The following BRINP1 variants were observed in gnomAD, a reference collection of about 807,000 sequenced individuals.
BRINP1 encodes the protein BMP/retinoic acid inducible neural specific 1.
Under a neutral mutation model 72.9 loss-of-function variants are expected in BRINP1, and 17 were observed. The ratio of observed to expected loss-of-function variants is 0.23; its 90% CI spans 0.16 to 0.35. The LOEUF (loss-of-function observed/expected upper bound fraction) is 0.35, where lower values mean the gene tolerates loss of function less well. Among genes scored for constraint, BRINP1 ranks in the 10% least tolerant of loss-of-function variants. The pLI, the probability that BRINP1 is intolerant of heterozygous loss-of-function variation, is 1.00. For synonymous variants in BRINP1, 418 were observed against 378.5 expected (o/e 1.10, Z -1.21); for missense variants, 850 against 1,001.6 (o/e 0.85, Z 2.04).
intron 1 of BRINP1, among the ~76,000 whole-genome samples, chr9:119,344,409 G>A (rs1208731119): frequency 6.6e-6 from 1 of 152,124 alleles, no homozygotes; most frequent in Non-Finnish European, 1.5e-5. Flanking sequence ...TGCACTGTAA[G>A]CTCCTTAAAA....
At chr9:119,294,817 C>A (rs143877490) in intron 2 of BRINP1, among the ~76,000 whole-genome samples, 3 of 148,318 alleles carry the variant, frequency 2.0e-5, no homozygotes, top group African/African-American at 7.5e-5. Context: ...GATCACACCA[C>A]TGCACTCTAG....
At chr9:119,223,905 C>T (rs2118888312) in intron 5 of BRINP1, among the ~76,000 whole-genome samples, 1 of 152,182 alleles carries the variant, frequency 6.6e-6, no homozygotes, top group South Asian at 2.1e-4. Context: ...GACTTGGCCA[C>T]TAACTTCAGC....
At chr9:119,190,044 G>C (rs76549355) in intron 7 of BRINP1, among the ~76,000 whole-genome samples, 1 of 151,796 alleles carries the variant, frequency 6.6e-6, no homozygotes, top group Non-Finnish European at 1.5e-5. Context: ...CAAGTATGTG[G>C]AAATAAAAGA....
At chr9:119,172,531 C>T (rs1186742086) in intron 7 of BRINP1, among the ~76,000 whole-genome samples, 2 of 151,568 alleles carry the variant, frequency 1.3e-5, no homozygotes. Flanking sequence ...GATGGATTCA[C>T]AGCCGAATTC....
At chr9:119,353,822 CTTTTTTTTTTTTTTTTTTTTTT>C (rs138900910) in intron 1 of BRINP1, among the ~76,000 whole-genome samples, 1 of 30,924 alleles carries the variant, frequency 3.2e-5, no homozygotes, top group East Asian at 1.3e-3. Context: ...GTTTTGAGCA[CTTTTTTTTTTTTTTTTTTTTTT>C]TTTTTTTTTT....
chr9:119,313,381 C>A lies in BRINP1; in HGVS notation c.-26G>T. The stretch of plus-strand genomic sequence containing the variant: ...GCTTTTCTGCCGGCCTTTTTCCTCT[C>A]ATTCTTGCTCCATTCTGTGGAGTCC... On this transcript the variant is annotated 5_prime_UTR_variant, in exon 2 of 8. An upstream start codon of the reference 5' UTR is lost. Transcript: ENST00000265922. 2 of 1,611,980 alleles carry A rather than the reference C, an allele frequency of 1.2e-6. No individual in the cohort carries two copies. The highest frequency in any genetic ancestry group is 1.1e-5 in the South Asian group (1 of 90,892).
At chr9:119,200,142 T>C (rs1382930201) in intron 7 of BRINP1, among the ~76,000 whole-genome samples, 1 of 152,250 alleles carries the variant, frequency 6.6e-6, no homozygotes, top group Non-Finnish European at 1.5e-5. Context: ...AACATGCATT[T>C]GTGGCATATT....
At chr9:119,207,950 T>C (rs994001107) in intron 7 of BRINP1, among the ~76,000 whole-genome samples, 13 of 152,144 alleles carry the variant, frequency 8.5e-5, no homozygotes, top group African/African-American at 2.4e-4. Context: ...ACCTCTACAG[T>C]AGGAACTACC....
At chr9:119,318,778 A>G (rs915229072) in intron 1 of BRINP1, among the ~76,000 whole-genome samples, 2 of 152,048 alleles carry the variant, frequency 1.3e-5, no homozygotes, top group Non-Finnish European at 2.9e-5. Context: ...TTGCAAAGAA[A>G]CAAGGCTCAG....
At chr9:119,349,552 C>T (rs922772320) in intron 1 of BRINP1, among the ~76,000 whole-genome samples, 13 of 152,228 alleles carry the variant, frequency 8.5e-5, no homozygotes, top group African/African-American at 2.2e-4. Context: ...AATACAGCAA[C>T]GGTTAAAAGC....
At chr9:119,351,098 GT>G (rs1831504318) in intron 1 of BRINP1, among the ~76,000 whole-genome samples, 1 of 152,046 alleles carries the variant, frequency 6.6e-6, no homozygotes, top group Admixed American at 6.6e-5. Context: ...GCCCAGGTAT[GT>G]GATGTTCCCC....
intron 2 of BRINP1, among the ~76,000 whole-genome samples, chr9:119,255,973 A>C (rs1227539910): frequency 2.0e-5 from 3 of 150,980 alleles, no homozygotes; most frequent in African/African-American, 4.9e-5. Context: ...AAAAAAAAAA[A>C]AAAAAAAAAA....
chr9:119,187,840 G>T (rs1320310442), intron 7 of BRINP1, among the ~76,000 whole-genome samples: 1 of 152,028 alleles, frequency 6.6e-6, no homozygotes, highest in Non-Finnish European at 1.5e-5. Context: ...TCAAGATCTG[G>T]GAGAAATTCA....
chr9:119,276,420 T>C (rs1830658710), intron 2 of BRINP1, among the ~76,000 whole-genome samples: 1 of 152,234 alleles, frequency 6.6e-6, no homozygotes, highest in Non-Finnish European at 1.5e-5. Flanking sequence ...TTATGTTTAA[T>C]ACACATGTGA....
chr9:119,324,439 C>A (rs1187766152), intron 1 of BRINP1, among the ~76,000 whole-genome samples: 3 of 152,096 alleles, frequency 2.0e-5, no homozygotes, highest in African/African-American at 7.2e-5. Context: ...CTAAAATGAG[C>A]AAGTGGCTTC....
At chr9:119,285,003 G>A (rs1393387016) in intron 2 of BRINP1, among the ~76,000 whole-genome samples, 5 of 152,086 alleles carry the variant, frequency 3.3e-5, no homozygotes, top group African/African-American at 1.2e-4. Context: ...TGGCTGGTGA[G>A]GAAAAAGAGC....
intron 5 of BRINP1, among the ~76,000 whole-genome samples, chr9:119,227,095 G>A (rs1483944504): frequency 6.6e-6 from 1 of 152,030 alleles, no homozygotes; most frequent in Non-Finnish European, 1.5e-5. Context: ...AATAATAGCC[G>A]TTATTGTTAG....
intron 1 of BRINP1, among the ~76,000 whole-genome samples, chr9:119,361,306 T>G (rs974776024): frequency 6.6e-6 from 1 of 152,246 alleles, no homozygotes; most frequent in African/African-American, 2.4e-5. Flanking sequence ...TTGTCTTTTT[T>G]GCCCCCTCAG....
At chr9:119,196,741 C>T (rs1445782692) in intron 7 of BRINP1, among the ~76,000 whole-genome samples, 1 of 152,162 alleles carries the variant, frequency 6.6e-6, no homozygotes, top group Non-Finnish European at 1.5e-5. Flanking sequence ...AGAGGACACT[C>T]AGCACATTGC....
Sources: gnomAD v4.1 joint callset for allele counts (sites outside exome capture counted in the v4.1 genomes callset) on GRCh38, gnomAD v4.1.1 for gene constraint, MANE v1.5 for transcripts, NCBI Gene and HGNC (gene_info 2026-07-23, HGNC 2026-07-21) for gene names.